TEKT5: variants seen among roughly 807,000 people sequenced by gnomAD.
The protein encoded by TEKT5 is tektin 5.
A neutral mutation model predicts 48.7 loss-of-function variants in TEKT5; 52 were observed. The ratio of observed to expected loss-of-function variants is 1.07; its 90% confidence interval spans 0.86 to 1.35. The LOEUF (loss-of-function observed/expected upper bound fraction) is 1.35, where lower values mean the gene tolerates loss of function less well. Among genes scored for constraint, TEKT5 ranks in the 40% most tolerant of loss-of-function variants. TEKT5 has a pLI of 0.00. For synonymous variants in TEKT5, 318 were observed against 267.6 expected (o/e 1.19, Z -1.84); for missense variants, 831 against 641.6 (o/e 1.30, Z -3.19).
intron 5 of TEKT5, among the ~76,000 whole-genome samples, chr16:10,674,799 A>G (rs1898615650): frequency 6.6e-6 from 1 of 151,488 alleles, no homozygotes; most frequent in Non-Finnish European, 1.5e-5. Flanking sequence ...AAAGATAGAG[A>G]CACAATAAGA....
At chr16:10,666,978 C>CTTTTTTTTTTTTTTTTTTTTTTTTTTTT (rs201657619) in intron 5 of TEKT5, among the ~76,000 whole-genome samples, 1 of 124,670 alleles carries the variant, frequency 8.0e-6, no homozygotes. Flanking sequence ...TGGCTCCTTA[C>CTTTTTTTTTTTTTTTTTTTTTTTTTTTT]TTTTTTTTTT....
rs187876721 is a variant in TEKT5, at chr16:10,683,060, A to G, written c.720-924T>C. On this transcript the variant is annotated intron_variant, in intron 3 of 6. Transcript: ENST00000283025. Reference sequence around the variant, plus strand: ...ATGTACAGAACAGAATGGTAAGGGCATTGTGCAGGTTTGAAAATATGAAAC... The same window carrying G: ...ATGTACAGAACAGAATGGTAAGGGCGTTGTGCAGGTTTGAAAATATGAAAC... Among the ~76,000 whole-genome samples the G allele has an allele frequency of 3.7e-4, 56 of 152,358 alleles. 1 individual carries two copies. Among genetic ancestry groups the G allele is most frequent in the Admixed American group, 1.4e-3 (22 of 15,298 alleles).
intron 5 of TEKT5, among the ~76,000 whole-genome samples, chr16:10,658,878 C>G (rs564278639): frequency 4.6e-5 from 7 of 152,100 alleles, no homozygotes; most frequent in Admixed American, 3.3e-4. Flanking sequence ...CCACCACACC[C>G]GGTTAATTTT....
chr16:10,637,700 C>A (rs529991964), intron 5 of TEKT5, among the ~76,000 whole-genome samples: 129 of 152,358 alleles, frequency 8.5e-4, no homozygotes, highest in African/African-American at 3.0e-3. Flanking sequence ...AAGCTGTAAG[C>A]TTTACTGACT....
intron 5 of TEKT5, among the ~76,000 whole-genome samples, chr16:10,662,710 G>A (rs1318121994): frequency 6.6e-6 from 1 of 152,176 alleles, no homozygotes; most frequent in Non-Finnish European, 1.5e-5. Context: ...GCCCCAGCCA[G>A]TTGCACCCAT....
chr16:10,693,594 C>T (rs1899019886), intron 1 of TEKT5, among the ~76,000 whole-genome samples: 1 of 152,192 alleles, frequency 6.6e-6, no homozygotes, highest in Non-Finnish European at 1.5e-5. Context: ...AGTGACAAAG[C>T]AGGCAAAAAT....
intron 6 of TEKT5, among the ~76,000 whole-genome samples, chr16:10,632,639 C>T (rs990337426): frequency 6.6e-6 from 1 of 151,880 alleles, no homozygotes; most frequent in South Asian, 2.1e-4. Flanking sequence ...GGGGGATAGG[C>T]ATGGATGGGA....
At chr16:10,669,146 C>T (rs1170844521) in intron 5 of TEKT5, among the ~76,000 whole-genome samples, 1 of 152,124 alleles carries the variant, frequency 6.6e-6, no homozygotes, top group Admixed American at 6.6e-5. Context: ...TTTGTAACAG[C>T]CCCAAACTGG....
intron 6 of TEKT5, among the ~76,000 whole-genome samples, chr16:10,628,997 A>G (rs968414275): frequency 1.3e-5 from 2 of 152,156 alleles, no homozygotes; most frequent in Non-Finnish European, 2.9e-5. Flanking sequence ...GAAGCCAGAC[A>G]CAAAAGGACA....
At chr16:10,675,346 G>A (rs909506430) in intron 5 of TEKT5, among the ~76,000 whole-genome samples, 7 of 152,116 alleles carry the variant, frequency 4.6e-5, no homozygotes, top group African/African-American at 1.7e-4. Context: ...AATTTGCATT[G>A]AGCAGGGACT....
intron 5 of TEKT5, among the ~76,000 whole-genome samples, chr16:10,659,850 G>A (rs558059985): frequency 1.3e-5 from 2 of 152,224 alleles, no homozygotes; most frequent in East Asian, 3.9e-4. Context: ...TTTTGTTTTG[G>A]GGTGACGGAA....
chr16:10,631,111 C>T (rs111711031), intron 6 of TEKT5, among the ~76,000 whole-genome samples: 71 of 149,862 alleles, frequency 4.7e-4, no homozygotes, highest in African/African-American at 1.6e-3. Flanking sequence ...CAAAAATTAG[C>T]GAAGTGTGGT....
chr16:10,629,094 G>A (rs1897797900), intron 6 of TEKT5, among the ~76,000 whole-genome samples: 1 of 152,126 alleles, frequency 6.6e-6, no homozygotes, highest in African/African-American at 2.4e-5. Flanking sequence ...CCAGAGGTCA[G>A]GCGGTGGGGA....
intron 5 of TEKT5, among the ~76,000 whole-genome samples, chr16:10,661,337 G>C (rs907045353): frequency 6.6e-6 from 1 of 152,084 alleles, no homozygotes; most frequent in Non-Finnish European, 1.5e-5. Flanking sequence ...GCAGCACCTC[G>C]CTACTCCAAG....
rs1567228469 is a variant in TEKT5, at chr16:10,652,866, CACA to C, written c.1087-16951_1087-16949del. 1.4e-3 allele frequency among the ~76,000 whole-genome samples: 211 copies of C among 148,284 alleles called. 3 individuals are homozygous for C. Among genetic ancestry groups the C allele is most frequent in the Middle Eastern group, 3.5e-3 (1 of 286 alleles). ...ACACACACACACACACACACACACA[CACA>C]CCCTCCAGGTCAGGTAGAGCGATCC... On this transcript the variant is annotated intron_variant, in intron 5 of 6. Coordinates refer to ENST00000283025, the MANE Select transcript of TEKT5 (RefSeq NM_144674.2).
intron 5 of TEKT5, among the ~76,000 whole-genome samples, chr16:10,664,144 A>C (rs1490394212): frequency 6.6e-6 from 1 of 151,780 alleles, no homozygotes; most frequent in African/African-American, 2.4e-5. Context: ...TATTTTTTTA[A>C]CTCTATTTCC....
At chr16:10,668,877 G>C (rs559757740) in intron 5 of TEKT5, among the ~76,000 whole-genome samples, 2 of 152,258 alleles carry the variant, frequency 1.3e-5, no homozygotes, top group African/African-American at 2.4e-5. Flanking sequence ...GCAAATGAGG[G>C]AAGCGTGCTG....
At chr16:10,689,455 G>A (rs1249847372) in intron 2 of TEKT5, 132 bp from the exon 3 acceptor site, 2 of 767,004 alleles carry the variant, frequency 2.6e-6, no homozygotes, top group African/African-American at 3.6e-5. Flanking sequence ...ATGTCAGCGT[G>A]GGGCCCCGCC....
chr16:10,687,519 G>C (rs1347256347), intron 3 of TEKT5, among the ~76,000 whole-genome samples: 1 of 152,268 alleles, frequency 6.6e-6, no homozygotes, highest in Non-Finnish European at 1.5e-5. Flanking sequence ...GTGGGAGCCT[G>C]AGGTGGGCAG....
Sources: gnomAD v4.1 joint callset for allele counts (sites outside exome capture counted in the v4.1 genomes callset) on GRCh38, gnomAD v4.1.1 for gene constraint, MANE v1.5 for transcripts, NCBI Gene and HGNC (gene_info 2026-07-23, HGNC 2026-07-21) for gene names.